Variants in EML6 observed in about 807,000 individuals in gnomAD.
The protein encoded by EML6 is EMAP like 6, also known as echinoderm microtubule-associated protein-like 6.
A neutral mutation model predicts 240.1 loss-of-function variants in EML6; 154 were observed. The observed-to-expected ratio is 0.64, with a 90% CI of 0.56 to 0.73. The LOEUF (loss-of-function observed/expected upper bound fraction) is 0.73, where lower values mean the gene tolerates loss of function less well. EML6 is among the 30% of genes least tolerant of loss of function. EML6 has a pLI of 0.00. For missense variants in EML6, 2,964 were observed against 2,474.6 expected (o/e 1.20, Z -4.20); for synonymous variants, 1,148 against 899.0 (o/e 1.28, Z -4.95).
At position 54,971,989 on chromosome 2, in the gene EML6, T is replaced by C. The variant is rs1041709157; in HGVS notation, c.*1894T>C. The C allele has an allele frequency of 2.0e-5, 3 of 152,224 alleles. No individual in the cohort carries two copies. The highest frequency in any genetic ancestry group is 4.8e-5 in the African/African-American group (2 of 41,462). The allele number at this position is 152,224 out of a possible 1,614,324, so 9.4% of individuals were successfully genotyped here. On this transcript the variant is annotated 3_prime_UTR_variant, in exon 42 of 42. Coordinates refer to ENST00000356458, the MANE Select transcript of EML6 (RefSeq NM_001039753.4). Reference sequence around the variant, plus strand: ...AAGTATAAAACACATCACTTAAACATTTTATGTGTCAAATAAAATTTGATT... The same window carrying C: ...AAGTATAAAACACATCACTTAAACACTTTATGTGTCAAATAAAATTTGATT...
At chr2:54,946,742 G>A (rs1001308217) in intron 28 of EML6, among the ~76,000 whole-genome samples, 7 of 152,152 alleles carry the variant, frequency 4.6e-5, no homozygotes, top group Admixed American at 3.9e-4. Flanking sequence ...AAGTGTTCAC[G>A]CAGAATCCAC....
At chr2:54,856,679 G>T (rs529958894) in intron 11 of EML6, among the ~76,000 whole-genome samples, 1 of 152,174 alleles carries the variant, frequency 6.6e-6, no homozygotes, top group African/African-American at 2.4e-5. Flanking sequence ...GAAGAGTTGC[G>T]TACCGTGACA....
At chr2:54,944,954 C>G (rs1397718871) in intron 28 of EML6, among the ~76,000 whole-genome samples, 1 of 149,926 alleles carries the variant, frequency 6.7e-6, no homozygotes, top group Non-Finnish European at 1.5e-5. Context: ...GCAGTGGTTG[C>G]TAATTTCTCT....
Position 54,971,705 on chromosome 2 carries a change from G to C in EML6, c.*1610G>C, listed in dbSNP as rs937296343. On this transcript the variant is annotated 3_prime_UTR_variant, in exon 42 of 42. Transcript: ENST00000356458. ...CTGTAACCATGTGACTGGTGATGCA[G>C]AGTGATAACCATGTCTGCCTATCTT... The C allele has an allele frequency of 3.3e-5, 5 of 152,216 alleles. No homozygotes were observed. The highest frequency in any genetic ancestry group is 7.3e-5 in the Non-Finnish European group (5 of 68,040). The allele number at this position is 152,216 out of a possible 1,614,324, so 9.4% of individuals were successfully genotyped here.
At chr2:54,790,880 C>A (rs377598386) in intron 2 of EML6, among the ~76,000 whole-genome samples, 1 of 152,016 alleles carries the variant, frequency 6.6e-6, no homozygotes, top group East Asian at 1.9e-4. Context: ...CGCCTGCCAC[C>A]GCGCCCAGCT....
chr2:54,952,954 A>G (rs1676055099), intron 31 of EML6, among the ~76,000 whole-genome samples: 1 of 152,080 alleles, frequency 6.6e-6, no homozygotes, highest in Admixed American at 6.5e-5. Flanking sequence ...TTGTAAGAAT[A>G]GTTTTTCAGA....
intron 2 of EML6, among the ~76,000 whole-genome samples, chr2:54,775,074 C>G (rs1668541202): frequency 6.6e-6 from 1 of 152,228 alleles, no homozygotes. Flanking sequence ...CAGCATTTCT[C>G]ACCTGTGCCT....
At chr2:54,879,863 C>CA (rs1160983104) in intron 17 of EML6, 2 of 538,194 alleles carry the variant, frequency 3.7e-6, no homozygotes, top group Non-Finnish European at 6.6e-6. Flanking sequence ...AAATCCTCTG[C>CA]AGAGAGTCAT....
intron 28 of EML6, among the ~76,000 whole-genome samples, chr2:54,943,201 C>A (rs933293189): frequency 6.6e-6 from 1 of 152,206 alleles, no homozygotes; most frequent in Non-Finnish European, 1.5e-5. Flanking sequence ...TTTCTCTCTC[C>A]TCCATTTTGC....
intron 25 of EML6, among the ~76,000 whole-genome samples, chr2:54,915,245 C>T (rs1015291731): frequency 6.6e-5 from 10 of 152,210 alleles, no homozygotes; most frequent in African/African-American, 2.2e-4. Flanking sequence ...ATCTGGCCAA[C>T]AGTGTTGTGT....
intron 25 of EML6, among the ~76,000 whole-genome samples, chr2:54,913,609 C>A (rs955193700): frequency 1.3e-5 from 2 of 152,140 alleles, no homozygotes; most frequent in African/African-American, 4.8e-5. Flanking sequence ...TGTCTGTTTT[C>A]TCTGTCGATA....
At chr2:54,887,290 C>T (rs908344933) in intron 17 of EML6, among the ~76,000 whole-genome samples, 3 of 152,162 alleles carry the variant, frequency 2.0e-5, no homozygotes, top group Non-Finnish European at 4.4e-5. Flanking sequence ...TTCAAAGTGG[C>T]AATTTTCTAA....
chr2:54,825,557 C>T (rs1243503659), intron 5 of EML6, among the ~76,000 whole-genome samples: 7 of 152,164 alleles, frequency 4.6e-5, no homozygotes, highest in Admixed American at 3.9e-4. Flanking sequence ...GCCACTGCAC[C>T]TGGCTGCTTT....
At chr2:54,769,337 C>G (rs953212581) in intron 2 of EML6, among the ~76,000 whole-genome samples, 43 of 152,158 alleles carry the variant, frequency 2.8e-4, no homozygotes, top group Non-Finnish European at 1.0e-4. Context: ...GCTACAGGGA[C>G]AAGCCCTAGA....
chr2:54,912,775 T>C (rs1196149629), intron 25 of EML6, among the ~76,000 whole-genome samples: 2 of 152,252 alleles, frequency 1.3e-5, no homozygotes, highest in Non-Finnish European at 2.9e-5. Flanking sequence ...TTCTATGGTA[T>C]ATATGTACCA....
At chr2:54,949,793 G>GC (rs1045304893) in intron 29 of EML6, among the ~76,000 whole-genome samples, 5 of 151,984 alleles carry the variant, frequency 3.3e-5, no homozygotes, top group Non-Finnish European at 7.4e-5. Context: ...CAAATCTCTG[G>GC]CCCCCCAAAC....
chr2:54,960,053 G>A (rs1300459404), intron 34 of EML6, among the ~76,000 whole-genome samples, 167 bp from the exon 35 acceptor site: 1 of 152,206 alleles, frequency 6.6e-6, no homozygotes, highest in African/African-American at 2.4e-5. Flanking sequence ...CTTAGCACCA[G>A]GGCCTAAGAG....
At chr2:54,789,513 CAAAAAAAAAAAAAAAAA>C (rs576842183) in intron 2 of EML6, among the ~76,000 whole-genome samples, 12 of 77,898 alleles carry the variant, frequency 1.5e-4, no homozygotes, top group Admixed American at 5.5e-4. Context: ...GACTTCGTCT[CAAAAAAAAAAAAAAAAA>C]AAAAAAAAAA....
intron 13 of EML6, among the ~76,000 whole-genome samples, chr2:54,866,072 T>G (rs1337715719): frequency 6.6e-6 from 1 of 152,242 alleles, no homozygotes; most frequent in Non-Finnish European, 1.5e-5. Flanking sequence ...TACAAATGAT[T>G]TTTGATCAAA....
Sources: gnomAD v4.1 joint callset for allele counts (sites outside exome capture counted in the v4.1 genomes callset) on GRCh38, gnomAD v4.1.1 for gene constraint, MANE v1.5 for transcripts, NCBI Gene and HGNC (gene_info 2026-07-23, HGNC 2026-07-21) for gene names.